Variants in UBR7 observed in about 807,000 individuals in gnomAD.
UBR7 encodes putative E3 ubiquitin-protein ligase UBR7.
In UBR7, 22 loss-of-function variants were observed where a neutral mutation model predicts 57.0. That is an observed-to-expected ratio of 0.39 (90% CI 0.28 to 0.55). The LOEUF (loss-of-function observed/expected upper bound fraction) is 0.55. Ranked by LOEUF, UBR7 falls within the 20% of genes least tolerant of loss-of-function variation. The pLI is 0.69. For missense variants in UBR7, 395 were observed against 513.2 expected (o/e 0.77, Z 2.23); for synonymous variants, 167 against 179.8 (o/e 0.93, Z 0.57).
intron 10 of UBR7, 138 bp downstream of exon 10, chr14:93,222,512 A>T: frequency 1.4e-6 from 1 of 707,244 alleles, no homozygotes; most frequent in Non-Finnish European, 2.6e-6. Flanking sequence ...TGGGAGGCCA[A>T]TGTGGGTGGA....
chr14:93,207,337 C>T lies in UBR7; in HGVS notation c.46C>T (p.Pro16Ser), dbSNP rs1202568155. 3.2e-6 allele frequency: 5 copies of T among 1,557,852 alleles called. No individual in the cohort carries two copies. The highest frequency in any genetic ancestry group is 2.4e-5 in the East Asian group (1 of 41,664). ...GAAGRQSELEPVVSLVDVLEE... is the reference protein window; with the variant it reads ...GAAGRQSELESVVSLVDVLEE... The stretch of plus-strand genomic sequence containing the variant: ...CGCTGGGCGGCAGTCGGAGCTGGAG[C>T]CCGTGGTATCGTTGGTCGACGTCCT... The change falls in exon 1 of 11, where the codon CCC becomes TCC. Residue 16 changes from proline to serine, a missense_variant. By Grantham distance (74) the Pro-to-Ser change is moderately conservative (BLOSUM62 -1). Coordinates refer to ENST00000013070, the MANE Select transcript of UBR7 (RefSeq NM_175748.4).
chr14:93,228,679 C>G lies in UBR7; in HGVS notation c.*1644C>G. The G allele has an allele frequency of 2.2e-6, 1 of 454,082 alleles. No homozygotes were observed. The highest frequency in any genetic ancestry group is 4.4e-6 in the Non-Finnish European group (1 of 226,782). The allele number at this position is 454,082 out of a possible 1,614,324, so 28.1% of individuals were successfully genotyped here. A position where few individuals can be genotyped will look rare whatever the true frequency, so the allele number is the denominator to read the frequency against. On this transcript the variant is annotated 3_prime_UTR_variant, in exon 11 of 11. Coordinates refer to ENST00000013070, the MANE Select transcript of UBR7 (RefSeq NM_175748.4). ...GGCTCCGTTCAAAGGCTCGGGGTGT[C>G]TTTGAGGTTGTTTATCAAGCTGGGG...
intron 10 of UBR7, chr14:93,223,747 A>C (rs1441575010): frequency 6.5e-6 from 5 of 766,444 alleles, no homozygotes; most frequent in Non-Finnish European, 6.9e-6. Flanking sequence ...GATCTCCTTC[A>C]CCTTCAGGAT....
intron 10 of UBR7, among the ~76,000 whole-genome samples, chr14:93,226,121 G>A (rs1894844093): frequency 6.6e-6 from 1 of 152,198 alleles, no homozygotes; most frequent in Non-Finnish European, 1.5e-5. Flanking sequence ...CTACTGGTCT[G>A]AGAAAATTAT....
chr14:93,215,683 C>T (rs1173945805), intron 6 of UBR7, among the ~76,000 whole-genome samples: 1 of 131,046 alleles, frequency 7.6e-6, no homozygotes, highest in East Asian at 2.2e-4. Context: ...AACAAGACTC[C>T]ATCCTCAAAA....
Position 93,219,252 on chromosome 14 carries a change from C to G in UBR7, c.851C>G (p.Ser284Cys), listed in dbSNP as rs550779088. ...KNESLNAESK[S>C]GCKLQELKAK... Reference sequence around the variant, plus strand: ...GAAAGCCTCAACGCAGAATCAAAATCTGGCTGCAAACTTCAGGAGCTTAAA... The same window carrying G: ...GAAAGCCTCAACGCAGAATCAAAATGTGGCTGCAAACTTCAGGAGCTTAAA... The change falls in exon 8 of 11, where the codon TCT becomes TGT. Residue 284 changes from serine (S) to cysteine (C), a missense_variant. Physicochemically the swap from Ser to Cys is moderately radical, Grantham distance 112. Transcript: ENST00000013070. 8.4e-5 allele frequency: 135 copies of G among 1,614,194 alleles called. No homozygotes were observed. Among genetic ancestry groups the G allele is most frequent in the Admixed American group, 2.7e-4 (16 of 60,010 alleles).
chr14:93,220,031 A>G (rs948045512), intron 8 of UBR7, among the ~76,000 whole-genome samples: 8 of 152,162 alleles, frequency 5.3e-5, no homozygotes, highest in Admixed American at 4.6e-4. Flanking sequence ...CTCATAGACC[A>G]TATGACATCT....
In UBR7 at chr14:93,218,656, G is replaced by T. The variant is rs773529146; in HGVS notation, c.731G>T (p.Gly244Val). The change falls in exon 7 of 11, where the codon GGA (glycine) becomes GTA (valine). Residue 244 changes from glycine to valine, a missense_variant. Physicochemically the swap from Gly to Val is moderately radical, Grantham distance 109. Coordinates refer to ENST00000013070, the MANE Select transcript of UBR7 (RefSeq NM_175748.4). ...CTCAAAGAGGATGTTCCAGAACAGG[G>T]AAAGGATGATGTCCGGGAGGTTAAA... ...STLKEDVPEQGKDDVREVKVE... is the reference protein window; with the variant it reads ...STLKEDVPEQVKDDVREVKVE... 6.2e-7 allele frequency: 1 copy of T among 1,614,152 alleles called. No homozygotes were observed. The highest frequency in any genetic ancestry group is 2.2e-5 in the East Asian group (1 of 44,880).
rs1002551230 is a variant in UBR7, at chr14:93,218,456, G to A, written c.602-71G>A. ...AATAGAATAAGTGATTTTATTGTCT[G>A]TTGGGATTTTATTGTCCGTTAGGTC... On this transcript the variant is annotated intron_variant, in intron 6 of 10. Transcript: ENST00000013070. The A allele has an allele frequency of 4.7e-6, 6 of 1,284,442 alleles. No individual in the cohort carries two copies. In the African/African-American group the frequency reaches 8.9e-5, roughly 19 times the overall value. The allele number at this position is 1,284,442 out of a possible 1,614,324, so 79.6% of individuals were successfully genotyped here. A position where few individuals can be genotyped will look rare whatever the true frequency, so the allele number is the denominator to read the frequency against.
At chr14:93,220,121 G>A in intron 8 of UBR7, 128 bp from the exon 9 acceptor site, 2 of 925,040 alleles carry the variant, frequency 2.2e-6, no homozygotes, top group South Asian at 1.6e-5. Context: ...AGACGCTCCA[G>A]TTTTTCTAGG....
chr14:93,220,198 G>C (rs368138815), intron 8 of UBR7, 51 bp from the exon 9 acceptor site: 3 of 1,574,398 alleles, frequency 1.9e-6, no homozygotes, highest in Non-Finnish European at 2.6e-6. Context: ...ATGATAAACA[G>C]TTCTAATGGG....
chr14:93,219,399 G>A, intron 8 of UBR7, 38 bp downstream of exon 8: 5 of 1,613,326 alleles, frequency 3.1e-6, no homozygotes, highest in Non-Finnish European at 4.2e-6. Context: ...AGCATGTTTT[G>A]TGTACTGGTG....
At chr14:93,223,505 C>T in intron 10 of UBR7, 1 of 598,686 alleles carries the variant, frequency 1.7e-6, no homozygotes, top group Non-Finnish European at 2.9e-6. Flanking sequence ...TCTCTGTCTA[C>T]CTACTTTAGG....
chr14:93,224,188 T>C, intron 10 of UBR7: 2 of 566,890 alleles, frequency 3.5e-6, no homozygotes, highest in Non-Finnish European at 3.2e-6. Flanking sequence ...AGGTCGTTTT[T>C]TTCTTTGTCA....
At chr14:93,207,717 TC>T (rs2140096011) in intron 1 of UBR7, among the ~76,000 whole-genome samples, 1 of 152,246 alleles carries the variant, frequency 6.6e-6, no homozygotes, top group African/African-American at 2.4e-5. Flanking sequence ...GCTCTGTCCG[TC>T]CTCTCCAGCC....
chr14:93,228,503 T>C lies in UBR7; in HGVS notation c.*1468T>C, dbSNP rs1053206904. ...CCTGGATGAGATGAACTAGGCCTTA[T>C]AAAAAGTCAAAGCCTCAAAGAAATG... On this transcript the variant is annotated 3_prime_UTR_variant, in exon 11 of 11. Coordinates refer to ENST00000013070, the MANE Select transcript of UBR7 (RefSeq NM_175748.4). 5 of 453,960 alleles carry C rather than the reference T, an allele frequency of 1.1e-5. No individual in the cohort carries two copies. Among genetic ancestry groups the C allele is most frequent in the African/African-American group, 2.0e-5 (1 of 49,992 alleles). The allele number at this position is 453,960 out of a possible 1,614,324, so 28.1% of individuals were successfully genotyped here.
At chr14:93,218,474 G>A (rs1458223411) in intron 6 of UBR7, 53 bp from the exon 7 acceptor site, 50 of 1,448,156 alleles carry the variant, frequency 3.5e-5, no homozygotes, top group Middle Eastern at 1.8e-4. Context: ...TTTATTGTCC[G>A]TTAGGTCAGT....
In UBR7 at chr14:93,219,204, T is replaced by C; in HGVS notation, c.811-8T>C. ...AAAAACATGCTTCAAAACTTAATTT[T>C]ATTTCAGACAGTGTTTAAGAATGAA... is the stretch of plus-strand genomic sequence containing the variant. On this transcript the variant is annotated splice_polypyrimidine_tract_variant and splice_region_variant and intron_variant, in intron 7 of 10. Coordinates refer to ENST00000013070, the MANE Select transcript of UBR7 (RefSeq NM_175748.4). The C allele has an allele frequency of 1.9e-6, 3 of 1,614,076 alleles. No individual in the cohort carries two copies. Among genetic ancestry groups the C allele is most frequent in the Non-Finnish European group, 2.5e-6 (3 of 1,179,960 alleles).
chr14:93,211,188 C>T (rs1894474075), intron 3 of UBR7, among the ~76,000 whole-genome samples: 1 of 151,096 alleles, frequency 6.6e-6, no homozygotes, highest in African/African-American at 2.4e-5. Flanking sequence ...TGCAGTGAGC[C>T]GAGATTGCGC....
Sources: allele counts gnomAD v4.1 joint callset (sites outside exome capture counted in the v4.1 genomes callset), GRCh38; gene constraint gnomAD v4.1.1; transcripts MANE v1.5; gene names NCBI Gene and HGNC (gene_info 2026-07-23, HGNC 2026-07-21).